ROBO2: variants seen among roughly 807,000 people sequenced by gnomAD.
ROBO2 encodes the protein roundabout homolog 2.
In ROBO2, 53 loss-of-function variants were observed where a neutral mutation model predicts 160.8. The ratio of observed to expected loss-of-function variants is 0.33; its 90% CI spans 0.26 to 0.41. The LOEUF is 0.41. ROBO2 is among the 10% of genes least tolerant of loss of function. The pLI is 1.00. For missense variants in ROBO2, 1,577 were observed against 1,722.4 expected (o/e 0.92, Z 1.49); for synonymous variants, 664 against 611.7 (o/e 1.09, Z -1.26).
chr3:76,068,656 A>G (rs567056302), intron 2 of ROBO2, among the ~76,000 whole-genome samples: 2 of 152,298 alleles, frequency 1.3e-5, no homozygotes, highest in South Asian at 4.1e-4. Flanking sequence ...ATATTCTACA[A>G]ATCTCTCAAG....
chr3:76,569,946 G>C lies in ROBO2; in HGVS notation c.110-528068G>C, dbSNP rs577589839. 4.6e-5 allele frequency among the ~76,000 whole-genome samples: 7 copies of C among 152,176 alleles called. No individual in the cohort carries two copies. The East Asian group carries it at 1.4e-3, about 29-fold the overall frequency. On this transcript the variant is annotated intron_variant, in intron 2 of 26. Transcript: ENST00000487694. The stretch of plus-strand genomic sequence containing the variant: ...TCAAGACCAGCCTGGGCAACATAGG[G>C]AGACATTGTCTCTAATAAAATTAAA...
chr3:77,613,011 T>C (rs1196895962), intron 21 of ROBO2, among the ~76,000 whole-genome samples: 1 of 152,140 alleles, frequency 6.6e-6, no homozygotes, highest in African/African-American at 2.4e-5. Flanking sequence ...TTAATGGGAA[T>C]AGCTAATGAA....
intron 2 of ROBO2, among the ~76,000 whole-genome samples, chr3:76,811,924 G>C (rs902830806): frequency 6.8e-6 from 1 of 146,704 alleles, no homozygotes; most frequent in Admixed American, 7.1e-5. Flanking sequence ...ACGCTGGAGT[G>C]CAATGGCACA....
At chr3:77,166,773 A>G (rs933776708) in intron 2 of ROBO2, among the ~76,000 whole-genome samples, 15 of 151,966 alleles carry the variant, frequency 9.9e-5, no homozygotes, top group South Asian at 2.1e-4. Context: ...GTTAGCCAGG[A>G]TGGTCTCGAT....
At chr3:77,534,981 AG>A (rs1259048010) in intron 6 of ROBO2, among the ~76,000 whole-genome samples, 2 of 152,208 alleles carry the variant, frequency 1.3e-5, no homozygotes, top group African/African-American at 4.8e-5. Flanking sequence ...TGCTATAAAA[AG>A]ATTAAGCAAC....
chr3:75,982,511 C>T (rs1356358756), intron 2 of ROBO2, among the ~76,000 whole-genome samples: 1 of 151,566 alleles, frequency 6.6e-6, no homozygotes, highest in Non-Finnish European at 1.5e-5. Flanking sequence ...GTTTGCATTT[C>T]TCTGATGATC....
At chr3:76,285,603 A>G (rs2107683887) in intron 2 of ROBO2, among the ~76,000 whole-genome samples, 1 of 152,272 alleles carries the variant, frequency 6.6e-6, no homozygotes, top group Admixed American at 6.5e-5. Flanking sequence ...ACATTACAGC[A>G]ACTTAATTTT....
At position 77,405,657 on chromosome 3, in the gene ROBO2, A is replaced by C. The variant is rs537974699; in HGVS notation, c.389-71757A>C. Among the ~76,000 whole-genome samples, 5 of 152,028 alleles carry C rather than the reference A, an allele frequency of 3.3e-5. No homozygotes were observed. The South Asian group carries it at 1.0e-3, about 31-fold the overall frequency. On this transcript the variant is annotated intron_variant, in intron 2 of 25. Coordinates refer to ENST00000461745, the Ensembl canonical transcript of ROBO2. ...ATGAATATAAATATTAGTTATAAAA[A>C]GTATAAGCCTCTTCCAACTCTTAAT...
intron 9 of ROBO2, among the ~76,000 whole-genome samples, chr3:77,561,395 A>G (rs533811761): frequency 1.4e-4 from 22 of 152,216 alleles, no homozygotes; most frequent in African/African-American, 5.3e-4. Context: ...TCCTAAATTG[A>G]TGAGAATGAA....
intron 2 of ROBO2, among the ~76,000 whole-genome samples, chr3:77,334,769 C>T (rs920641082): frequency 6.6e-6 from 1 of 151,978 alleles, no homozygotes; most frequent in Non-Finnish European, 1.5e-5. Context: ...TAGTGAGATA[C>T]AAATCTGCCA....
At chr3:76,373,810 G>A (rs2076217365) in intron 2 of ROBO2, among the ~76,000 whole-genome samples, 1 of 151,950 alleles carries the variant, frequency 6.6e-6, no homozygotes, top group African/African-American at 2.4e-5. Flanking sequence ...CATTTCTGCT[G>A]ATCTTGTCAG....
At chr3:76,983,197 A>G (rs1559798432) in intron 2 of ROBO2, among the ~76,000 whole-genome samples, 1 of 152,244 alleles carries the variant, frequency 6.6e-6, no homozygotes, top group African/African-American at 2.4e-5. Flanking sequence ...AGGCAGGAGA[A>G]CTGCTTGAGC....
At chr3:77,309,754 A>G (rs546533275) in intron 2 of ROBO2, among the ~76,000 whole-genome samples, 1 of 152,294 alleles carries the variant, frequency 6.6e-6, no homozygotes, top group South Asian at 2.1e-4. Flanking sequence ...GTTTCTCTGG[A>G]CAATCCAAGA....
At chr3:77,338,395 G>A (rs1192649114) in intron 2 of ROBO2, among the ~76,000 whole-genome samples, 1 of 151,896 alleles carries the variant, frequency 6.6e-6, no homozygotes, top group Non-Finnish European at 1.5e-5. Flanking sequence ...GGATCACCAC[G>A]ACCTTACCTG....
intron 2 of ROBO2, among the ~76,000 whole-genome samples, chr3:76,147,240 A>G (rs1158201518): frequency 6.6e-6 from 1 of 151,952 alleles, no homozygotes; most frequent in Non-Finnish European, 1.5e-5. Flanking sequence ...CCATGTATCT[A>G]TGATACTTAA....
intron 2 of ROBO2, among the ~76,000 whole-genome samples, chr3:77,246,757 A>G (rs530357272): frequency 6.6e-6 from 1 of 152,276 alleles, no homozygotes; most frequent in South Asian, 2.1e-4. Flanking sequence ...GCAATGTAAC[A>G]CTTTTTTTGT....
chr3:76,452,247 T>G (rs1175202567), intron 2 of ROBO2, among the ~76,000 whole-genome samples: 2 of 152,142 alleles, frequency 1.3e-5, no homozygotes, highest in Non-Finnish European at 2.9e-5. Context: ...TACATATGTA[T>G]ACATGTGCCA....
chr3:76,287,583 A>G (rs1708570092), intron 2 of ROBO2, among the ~76,000 whole-genome samples: 1 of 152,104 alleles, frequency 6.6e-6, no homozygotes, highest in African/African-American at 2.4e-5. Context: ...TACAGGCATG[A>G]GCCGCCGTGC....
chr3:76,359,336 G>T (rs1044114742), intron 2 of ROBO2, among the ~76,000 whole-genome samples: 1 of 152,004 alleles, frequency 6.6e-6, no homozygotes, highest in South Asian at 2.1e-4. Context: ...AGGTAATAAA[G>T]AATGAGTTTT....
Sources: gnomAD v4.1 joint callset for allele counts (sites outside exome capture counted in the v4.1 genomes callset) on GRCh38, gnomAD v4.1.1 for gene constraint, MANE v1.5 for transcripts, NCBI Gene and HGNC (gene_info 2026-07-23, HGNC 2026-07-21) for gene names.